Variants in MADD observed in about 807,000 individuals in gnomAD.
MADD encodes the protein MAP kinase activating death domain.
Under a neutral mutation model 176.7 loss-of-function variants are expected in MADD, and 109 were observed. The observed-to-expected ratio is 0.62, with a 90% CI of 0.53 to 0.72. MADD has a LOEUF of 0.72. MADD is among the 30% of genes least tolerant of loss of function. MADD has a pLI of 0.00. For synonymous variants in MADD, 771 were observed against 771.3 expected (o/e 1.00, Z 0.01); for missense variants, 1,914 against 2,045.5 (o/e 0.94, Z 1.24).
intron 22 of MADD, among the ~76,000 whole-genome samples, chr11:47,303,584 A>G (rs1479918062): frequency 7.3e-6 from 1 of 136,724 alleles, no homozygotes; most frequent in African/African-American, 2.7e-5. Flanking sequence ...TGACAATTTG[A>G]CTGTAATGTA....
chr11:47,328,115 T>C, intron 31 of MADD: 1 of 1,002,742 alleles, frequency 1.0e-6, no homozygotes, highest in Non-Finnish European at 1.2e-6. Context: ...CACTGCCACA[T>C]CCTGTGGGTT....
rs1188473918 is a variant in MADD, at chr11:47,282,623, C to T, written c.1705+7C>T. On this transcript the variant is annotated splice_region_variant and intron_variant, in intron 9 of 32. Transcript: ENST00000402192. ...TTTCAGCGAATTCACAACAGTGAGT[C>T]TACCTGCCCTCTGCTCCGCTCTGCC... is the stretch of plus-strand genomic sequence containing the variant. The T allele has an allele frequency of 6.2e-7, 1 of 1,613,202 alleles. No homozygotes were observed. Among genetic ancestry groups the T allele is most frequent in the South Asian group, 1.1e-5 (1 of 91,028 alleles).
intron 32 of MADD, among the ~76,000 whole-genome samples, 168 bp downstream of exon 36, chr11:47,328,872 G>C (rs1344648125): frequency 5.3e-5 from 8 of 152,102 alleles, no homozygotes; most frequent in Non-Finnish European, 1.0e-4. Context: ...CTGAGAGACA[G>C]ACACACACAC....
exon 9 of MADD, chr11:47,282,400 T>G: frequency 6.2e-7 from 1 of 1,614,168 alleles, no homozygotes; most frequent in Non-Finnish European, 8.5e-7. Context: ...GGTACGGTTC[T>G]TCAATTCCGC....
chr11:47,274,551 T>A lies in MADD; in HGVS notation c.63-12T>A. Reference sequence around the variant, plus strand: ...CCCTTCAGGCTGCTGAATTTGTCTTTATGTTCTTCAGGCACCCGAGCAGTG... The same window carrying A: ...CCCTTCAGGCTGCTGAATTTGTCTTAATGTTCTTCAGGCACCCGAGCAGTG... On this transcript the variant is annotated splice_polypyrimidine_tract_variant and intron_variant, in intron 2 of 32. Coordinates refer to ENST00000402192, the Ensembl canonical transcript of MADD. The A allele has an allele frequency of 6.3e-7, 1 of 1,596,772 alleles. No individual in the cohort carries two copies. Among genetic ancestry groups the A allele is most frequent in the Non-Finnish European group, 8.6e-7 (1 of 1,166,330 alleles).
exon 33 of MADD, chr11:47,329,614 G>A (rs541885331): frequency 6.3e-6 from 1 of 158,628 alleles, no homozygotes; most frequent in East Asian, 1.8e-4. Flanking sequence ...AGAGAGGAAG[G>A]GAAGAATTGG....
At chr11:47,290,424 A>T in intron 18 of MADD, 125 bp downstream of exon 19, 1 of 1,374,590 alleles carries the variant, frequency 7.3e-7, no homozygotes, top group Non-Finnish European at 9.8e-7. Context: ...AGGCTTTGGG[A>T]TTTTATTTTC....
At chr11:47,278,019 A>G in intron 5 of MADD, 146 bp from the exon 6 acceptor site, 1 of 643,450 alleles carries the variant, frequency 1.6e-6, no homozygotes, top group Non-Finnish European at 2.8e-6. Flanking sequence ...AAAATCTGAA[A>G]AATTCTGAAT....
chr11:47,296,205 T>C lies in MADD; in HGVS notation c.3642+150T>C, dbSNP rs557808250. The C allele has an allele frequency of 2.1e-5, 19 of 916,968 alleles. No homozygotes were observed. In the East Asian group the frequency reaches 4.8e-4, roughly 23 times the overall value. 56.8% of individuals were successfully genotyped at this position (916,968 alleles called of 1,614,324 possible). A position where few individuals can be genotyped will look rare whatever the true frequency, so the allele number is the denominator to read the frequency against. ...TATATTTGGCTTTAAGGAAAACATT[T>C]CTTAAGGCTTTGTTCAGAGTCATTT... On this transcript the variant is annotated intron_variant, in intron 22 of 32. Coordinates refer to ENST00000402192, the Ensembl canonical transcript of MADD.
At chr11:47,305,466 A>G (rs2081891337) in intron 22 of MADD, among the ~76,000 whole-genome samples, 1 of 152,040 alleles carries the variant, frequency 6.6e-6, no homozygotes, top group African/African-American at 2.4e-5. Flanking sequence ...ACTCTGTGGA[A>G]GAAGGGGTGC....
chr11:47,320,454 CA>C (rs909479729), intron 27 of MADD, among the ~76,000 whole-genome samples: 6 of 145,590 alleles, frequency 4.1e-5, no homozygotes, highest in African/African-American at 1.3e-4. Flanking sequence ...GACTCCGTCT[CA>C]AAAAAAAAAT....
chr11:47,328,038 T>G (rs1595737139), intron 31 of MADD: 1 of 991,050 alleles, frequency 1.0e-6, no homozygotes, highest in Non-Finnish European at 1.2e-6. Context: ...GGTGTGTTGC[T>G]CCAGAGCCCT....
intron 26 of MADD, among the ~76,000 whole-genome samples, chr11:47,312,519 C>T (rs186046507): frequency 6.6e-6 from 1 of 152,252 alleles, no homozygotes; most frequent in East Asian, 1.9e-4. Context: ...CTCTGCCTCC[C>T]GAGTTCAAGC....
At chr11:47,290,646 T>C in exon 19 of MADD, 1 of 1,613,896 alleles carries the variant, frequency 6.2e-7, no homozygotes, top group Non-Finnish European at 8.5e-7. Flanking sequence ...ACAGAAAGTG[T>C]AAATACCCCA....
chr11:47,328,775 G>T, intron 32 of MADD, 71 bp downstream of exon 36: 14 of 1,598,642 alleles, frequency 8.8e-6, no homozygotes, highest in Non-Finnish European at 1.2e-5. Flanking sequence ...GACAGGAGGA[G>T]GGGAGGGCCC....
At chr11:47,269,584 T>A (rs1203742853), upstream of MADD, 1 of 151,978 alleles carries the variant, frequency 6.6e-6, no homozygotes, top group Admixed American at 6.6e-5. Context: ...CTGGACTCCA[T>A]CTCCCAGCGG....
intron 20 of MADD, among the ~76,000 whole-genome samples, chr11:47,294,213 G>A (rs2068185675): frequency 6.6e-6 from 1 of 151,796 alleles, no homozygotes; most frequent in African/African-American, 2.4e-5. Flanking sequence ...GCCAGGCATG[G>A]TGGCGCATGC....
At chr11:47,326,338 C>T (rs1035651106) in intron 30 of MADD, among the ~76,000 whole-genome samples, 6 of 152,192 alleles carry the variant, frequency 3.9e-5, no homozygotes, top group African/African-American at 1.4e-4. Context: ...TGCGCCCGTG[C>T]CAGCCCTCTG....
At chr11:47,285,400 C>T in intron 13 of MADD, 51 bp from the exon 14 acceptor site, 1 of 1,611,350 alleles carries the variant, frequency 6.2e-7, no homozygotes, top group African/African-American at 1.3e-5. Flanking sequence ...CCCATACTCC[C>T]AAGATCAGGT....
Sources: allele counts gnomAD v4.1 joint callset (sites outside exome capture counted in the v4.1 genomes callset), GRCh38; gene constraint gnomAD v4.1.1; transcripts MANE v1.5; gene names NCBI Gene and HGNC (gene_info 2026-07-23, HGNC 2026-07-21).